Variants in NTNG1 observed in about 807,000 individuals in gnomAD.
The protein encoded by NTNG1 is netrin-G1.
A neutral mutation model predicts 54.0 loss-of-function variants in NTNG1; 16 were observed. The observed-to-expected ratio is 0.30, with a 90% CI of 0.20 to 0.45. The LOEUF is 0.45. Ranked by LOEUF, NTNG1 falls within the 20% of genes least tolerant of loss-of-function variation. NTNG1 has a pLI of 1.00. For missense variants in NTNG1, 530 were observed against 678.7 expected (o/e 0.78, Z 2.43); for synonymous variants, 255 against 263.1 (o/e 0.97, Z 0.30).
intron 1 of NTNG1, among the ~76,000 whole-genome samples, chr1:107,146,915 GT>G (rs1313619997): frequency 6.6e-6 from 1 of 151,924 alleles, no homozygotes; most frequent in Admixed American, 6.6e-5. Flanking sequence ...TATTTCAACT[GT>G]TTAATGTGAA....
chr1:107,294,912 G>C (rs1056905539), intron 2 of NTNG1, among the ~76,000 whole-genome samples: 2 of 152,144 alleles, frequency 1.3e-5, no homozygotes, highest in African/African-American at 4.8e-5. Context: ...TGACGCCATG[G>C]GAGTCAGAAG....
intron 2 of NTNG1, among the ~76,000 whole-genome samples, chr1:107,318,970 G>C (rs1335412928): frequency 3.3e-5 from 5 of 152,134 alleles, no homozygotes; most frequent in Non-Finnish European, 5.9e-5. Flanking sequence ...TAGAATTGTG[G>C]TCATCAGGGC....
intron 7 of NTNG1, among the ~76,000 whole-genome samples, chr1:107,440,247 G>A (rs1675885165): frequency 6.6e-6 from 1 of 152,092 alleles, no homozygotes; most frequent in African/African-American, 2.4e-5. Context: ...ATGTGGAATT[G>A]TGGTCCAAAA....
At chr1:107,259,492 C>A (rs1244996723) in intron 2 of NTNG1, among the ~76,000 whole-genome samples, 1 of 152,216 alleles carries the variant, frequency 6.6e-6, no homozygotes, top group Non-Finnish European at 1.5e-5. Context: ...TCTTTAAAAT[C>A]ATTTAGTTTA....
intron 2 of NTNG1, among the ~76,000 whole-genome samples, chr1:107,285,373 C>T (rs1399172728): frequency 2.6e-5 from 4 of 152,126 alleles, no homozygotes; most frequent in Admixed American, 6.6e-5. Context: ...CCTAATGTAC[C>T]TTTTTATAAA....
intron 2 of NTNG1, among the ~76,000 whole-genome samples, chr1:107,207,671 C>A (rs1659296404): frequency 6.6e-6 from 1 of 152,092 alleles, no homozygotes; most frequent in African/African-American, 2.4e-5. Context: ...AACTTTTCAC[C>A]TATTGAAGAT....
At chr1:107,418,598 G>A (rs1168583129) in intron 5 of NTNG1, 4 of 1,603,774 alleles carry the variant, frequency 2.5e-6, no homozygotes, top group Non-Finnish European at 3.4e-6. Context: ...AAGTTTAATA[G>A]GATATGGCCG....
intron 7 of NTNG1, among the ~76,000 whole-genome samples, chr1:107,469,870 GTT>G (rs918096446): frequency 6.8e-6 from 1 of 148,096 alleles, no homozygotes. Context: ...GGCAGAAATA[GTT>G]TTTTTTTTTA....
intron 2 of NTNG1, among the ~76,000 whole-genome samples, chr1:107,169,584 C>T (rs1450059458): frequency 6.6e-6 from 1 of 152,112 alleles, no homozygotes; most frequent in African/African-American, 2.4e-5. Flanking sequence ...GTTACCCCTT[C>T]TGGAAATCCT....
intron 3 of NTNG1, among the ~76,000 whole-genome samples, chr1:107,372,241 T>C (rs1365918848): frequency 6.6e-6 from 1 of 152,028 alleles, no homozygotes; most frequent in African/African-American, 2.4e-5. Context: ...GCTTTTCGTT[T>C]TCTAGTTTCT....
Position 107,313,569 on chromosome 1 carries a change from G to A in NTNG1, c.247-10713G>A, listed in dbSNP as rs191992305. Among the ~76,000 whole-genome samples, 199 of 152,224 alleles carry A rather than the reference G, an allele frequency of 1.3e-3. 1 individual carries two copies. Among genetic ancestry groups the A allele is most frequent in the African/African-American group, 4.6e-3 (193 of 41,530 alleles). ...AACTCAATAAAGGACTTTATGTAGA[G>A]CTAGGAGGGAAGAGGCCAAAGGGTG... is the stretch of plus-strand genomic sequence containing the variant. On this transcript the variant is annotated intron_variant, in intron 2 of 7. Transcript: ENST00000370068.
At chr1:107,168,251 C>T (rs1655960649) in intron 2 of NTNG1, among the ~76,000 whole-genome samples, 1 of 151,424 alleles carries the variant, frequency 6.6e-6, no homozygotes, top group Non-Finnish European at 1.5e-5. Context: ...TGGTAAAGTC[C>T]TCATTTTCAC....
At chr1:107,350,163 A>T (rs562682847) in intron 3 of NTNG1, among the ~76,000 whole-genome samples, 3 of 152,228 alleles carry the variant, frequency 2.0e-5, no homozygotes, top group African/African-American at 7.2e-5. Flanking sequence ...AGAAGCTCTA[A>T]ATGTCTATCA....
intron 2 of NTNG1, among the ~76,000 whole-genome samples, chr1:107,265,270 T>C (rs574698254): frequency 1.8e-4 from 27 of 152,162 alleles, no homozygotes; most frequent in African/African-American, 6.0e-4. Context: ...TCTACAACTA[T>C]ACTTTGGTAA....
chr1:107,219,088 T>C (rs1241583848), intron 2 of NTNG1, among the ~76,000 whole-genome samples: 1 of 151,784 alleles, frequency 6.6e-6, no homozygotes, highest in African/African-American at 2.4e-5. Flanking sequence ...CCCAAACTTC[T>C]TGGAGTTTTT....
chr1:107,349,836 G>T (rs992767951), intron 3 of NTNG1, among the ~76,000 whole-genome samples: 3 of 152,046 alleles, frequency 2.0e-5, no homozygotes, highest in Admixed American at 2.0e-4. Flanking sequence ...TACTCCTGTC[G>T]ATGGATATTT....
At chr1:107,392,422 G>T (rs1456553028) in intron 3 of NTNG1, among the ~76,000 whole-genome samples, 1 of 152,024 alleles carries the variant, frequency 6.6e-6, no homozygotes, top group Non-Finnish European at 1.5e-5. Flanking sequence ...CGCAAGGAGA[G>T]TGAGCTGGCT....
chr1:107,316,805 C>T (rs58196965), intron 2 of NTNG1, among the ~76,000 whole-genome samples: 2,271 of 152,230 alleles, frequency 0.015, 49 homozygotes, highest in East Asian at 0.067. Flanking sequence ...CTGCAAATAC[C>T]TTCTTGTATT....
At chr1:107,411,257 T>C (rs1402313366) in intron 5 of NTNG1, among the ~76,000 whole-genome samples, 1 of 152,160 alleles carries the variant, frequency 6.6e-6, no homozygotes, top group African/African-American at 2.4e-5. Context: ...TCCTGTTTTA[T>C]CTTATAGTAA....
Sources: allele counts gnomAD v4.1 joint callset (sites outside exome capture counted in the v4.1 genomes callset), GRCh38; gene constraint gnomAD v4.1.1; transcripts MANE v1.5; gene names NCBI Gene and HGNC (gene_info 2026-07-23, HGNC 2026-07-21).